Variants in DENND3 observed in about 807,000 individuals in gnomAD.
DENND3 encodes the protein DENN domain containing 3.
DENND3 carries 88 observed loss-of-function variants against 135.1 expected under a neutral mutation model. The observed-to-expected ratio is 0.65, with a 90% confidence interval of 0.55 to 0.78. The LOEUF is 0.78. Among genes scored for constraint, DENND3 ranks in the 30% least tolerant of loss-of-function variants. The pLI is 0.00. For synonymous variants in DENND3, 693 were observed against 712.3 expected (o/e 0.97, Z 0.43); for missense variants, 1,392 against 1,688.4 (o/e 0.82, Z 3.08).
At chr8:141,165,385 G>A in intron 11 of DENND3, 96 bp downstream of exon 11, 1 of 950,780 alleles carries the variant, frequency 1.1e-6, no homozygotes, top group Non-Finnish European at 1.7e-6. Context: ...GAAAGTCAAT[G>A]GGAAATACCT....
intron 11 of DENND3, among the ~76,000 whole-genome samples, chr8:141,165,551 G>A (rs1208006837): frequency 2.0e-5 from 3 of 149,882 alleles, no homozygotes; most frequent in Non-Finnish European, 4.4e-5. Context: ...TGCAACCTCC[G>A]CCTCCTGGGT....
In DENND3 at chr8:141,158,051, C is replaced by T. The variant is rs751146558; in HGVS notation, c.1196+2081C>T. On this transcript the variant is annotated intron_variant, in intron 8 of 22. Transcript: ENST00000519811. ...CTCAGATTACAGGCGTGAGCCACCGCGCCCAGTCGGAGAACTACCTTTATT... is the reference window on the plus strand; with the variant it reads ...CTCAGATTACAGGCGTGAGCCACCGTGCCCAGTCGGAGAACTACCTTTATT... The T allele has an allele frequency of 1.8e-5, 22 of 1,196,064 alleles. No individual in the cohort carries two copies. The Admixed American group carries it at 1.9e-4, about 11-fold the overall frequency. The allele number at this position is 1,196,064 out of a possible 1,614,324, so 74.1% of individuals were successfully genotyped here. A position where few individuals can be genotyped will look rare whatever the true frequency, so the allele number is the denominator to read the frequency against.
chr8:141,189,425 C>T (rs1001214232), intron 19 of DENND3, among the ~76,000 whole-genome samples: 5 of 152,234 alleles, frequency 3.3e-5, no homozygotes, highest in African/African-American at 7.2e-5. Flanking sequence ...GGGGCAGCCC[C>T]GAGAGGGCAC....
rs563516735 is a variant in DENND3, at chr8:141,171,436, C to T, written c.2275+2911C>T. ...ACATGTCTGCCACCTCCAGCATGGC[C>T]GTGCAGAAGCAAGACGTCCATGGGC... On this transcript the variant is annotated intron_variant, in intron 13 of 22. Coordinates refer to ENST00000519811, the MANE Select transcript of DENND3 (RefSeq NM_001352890.3). Among the ~76,000 whole-genome samples the T allele has an allele frequency of 3.9e-5, 6 of 152,344 alleles. No homozygotes were observed. The South Asian group carries it at 8.3e-4, about 21-fold the overall frequency.
At chr8:141,169,593 G>A (rs1399158936) in intron 13 of DENND3, among the ~76,000 whole-genome samples, 1 of 152,192 alleles carries the variant, frequency 6.6e-6, no homozygotes, top group African/African-American at 2.4e-5. Context: ...ACCCAGCGGG[G>A]GCTCCGTGTG....
chr8:141,185,306 GC>G, intron 18 of DENND3, 28 bp downstream of exon 18: 1 of 1,613,086 alleles, frequency 6.2e-7, no homozygotes. Flanking sequence ...CAGGAAAGAA[GC>G]CTCTGAATTC....
At position 141,182,440 on chromosome 8, in the gene DENND3, G is replaced by T; in HGVS notation, c.2944+1586G>T. 1 of 985,464 alleles carries T rather than the reference G, an allele frequency of 1.0e-6. No homozygotes were observed. The highest frequency in any genetic ancestry group is 1.2e-6 in the Non-Finnish European group (1 of 829,926). The allele number at this position is 985,464 out of a possible 1,614,324, so 61.0% of individuals were successfully genotyped here. ...CAGGCTCTGTGCTGACTTCGCCAGA[G>T]ATGACTCCACAGACCAAGATACTTT... is the stretch of plus-strand genomic sequence containing the variant. On this transcript the variant is annotated intron_variant, in intron 17 of 22. Transcript: ENST00000519811. This position sits in a 1 kb window ranked among gnomAD's most constrained non-coding sequence, Gnocchi z 5.9.
chr8:141,150,425 C>A, intron 5 of DENND3: 1 of 790,882 alleles, frequency 1.3e-6, no homozygotes. Flanking sequence ...ATTAAATTGT[C>A]AAAGCTATTA....
At chr8:141,170,333 CTGAGG>C (rs1821368901) in intron 13 of DENND3, among the ~76,000 whole-genome samples, 2 of 151,914 alleles carry the variant, frequency 1.3e-5, no homozygotes, top group Non-Finnish European at 2.9e-5. Context: ...CCCGTGGGCT[CTGAGG>C]GATGTCATGG....
chr8:141,192,115 C>T (rs551924728), intron 20 of DENND3: 12 of 509,416 alleles, frequency 2.4e-5, no homozygotes, highest in African/African-American at 1.9e-4. Flanking sequence ...CATATATTTA[C>T]GTTTTCTGGT....
intron 8 of DENND3, among the ~76,000 whole-genome samples, chr8:141,158,752 C>G (rs1294943319): frequency 1.3e-5 from 2 of 152,226 alleles, no homozygotes; most frequent in Non-Finnish European, 2.9e-5. Context: ...CTTGGTCACT[C>G]TCTTCACTGC....
intron 17 of DENND3, among the ~76,000 whole-genome samples, chr8:141,181,415 C>A (rs576858076): frequency 6.6e-6 from 1 of 152,196 alleles, no homozygotes; most frequent in South Asian, 2.1e-4. Flanking sequence ...AAGGTGATGG[C>A]GCCTCAGATA....
Position 141,182,871 on chromosome 8 carries a change from G to C in DENND3, c.2944+2017G>C, listed in dbSNP as rs779835684. On this transcript the variant is annotated intron_variant, in intron 17 of 22. Coordinates refer to ENST00000519811, the MANE Select transcript of DENND3 (RefSeq NM_001352890.3). The surrounding 1 kb of genome is among the most constrained non-coding windows in gnomAD (Gnocchi z 5.9). ...GGTCAGCTCAGGCTCTGCCCATGGG[G>C]AGCGTGCCTCTCAGAGACGGCAGTG... 6.6e-6 allele frequency among the ~76,000 whole-genome samples: 1 copy of C among 152,206 alleles called. No individual in the cohort carries two copies. The highest frequency in any genetic ancestry group is 1.5e-5 in the Non-Finnish European group (1 of 68,030).
intron 13 of DENND3, among the ~76,000 whole-genome samples, chr8:141,170,582 G>C (rs541785765): frequency 6.6e-6 from 1 of 152,302 alleles, no homozygotes; most frequent in Non-Finnish European, 1.5e-5. Context: ...CGATGAGGGT[G>C]AGCTCAGATG....
chr8:141,133,394 A>G (rs557281633), intron 1 of DENND3, among the ~76,000 whole-genome samples: 1 of 152,172 alleles, frequency 6.6e-6, no homozygotes, highest in African/African-American at 2.4e-5. Flanking sequence ...GCTTTCTTCA[A>G]TGTGGGGATG....
intron 22 of DENND3, chr8:141,193,519 T>TAGAC (rs1370828716): frequency 6.1e-6 from 1 of 164,762 alleles, no homozygotes; most frequent in African/African-American, 2.4e-5. Flanking sequence ...AGGCAGAGGT[T>TAGAC]AGACATTCTC....
chr8:141,161,404 C>A (rs117119074), intron 9 of DENND3, among the ~76,000 whole-genome samples: 2,582 of 152,338 alleles, frequency 0.017, 29 homozygotes, highest in Non-Finnish European at 0.026. Flanking sequence ...CTACCTCCTG[C>A]ATGCTATTGC....
At chr8:141,148,725 G>A (rs1379081760) in intron 5 of DENND3, among the ~76,000 whole-genome samples, 1 of 151,556 alleles carries the variant, frequency 6.6e-6, no homozygotes, top group Non-Finnish European at 1.5e-5. Flanking sequence ...AAAGGCTGGT[G>A]GAGTGATTAG....
chr8:141,162,334 A>G (rs774876507), intron 9 of DENND3, among the ~76,000 whole-genome samples: 1 of 152,194 alleles, frequency 6.6e-6, no homozygotes, highest in African/African-American at 2.4e-5. Context: ...ACAGAAAAGC[A>G]GAATAGTCCC....
Sources: allele counts gnomAD v4.1 joint callset (sites outside exome capture counted in the v4.1 genomes callset), GRCh38; gene constraint gnomAD v4.1.1; non-coding constraint Gnocchi (gnomAD v3.1); transcripts MANE v1.5; gene names NCBI Gene and HGNC (gene_info 2026-07-23, HGNC 2026-07-21).